Variants in ST3GAL5 observed in about 807,000 individuals in gnomAD.
The protein encoded by ST3GAL5 is lactosylceramide alpha-2,3-sialyltransferase.
In ST3GAL5, 25 loss-of-function variants were observed where a neutral mutation model predicts 46.1. The ratio of observed to expected loss-of-function variants is 0.54; its 90% CI spans 0.40 to 0.76. The LOEUF (loss-of-function observed/expected upper bound fraction) is 0.76, where lower values mean the gene tolerates loss of function less well. ST3GAL5 is among the 30% of genes least tolerant of loss of function. ST3GAL5 has a pLI of 0.00. For missense variants in ST3GAL5, 431 were observed against 521.2 expected (o/e 0.83, Z 1.69); for synonymous variants, 182 against 192.7 (o/e 0.94, Z 0.46).
intron 1 of ST3GAL5, chr2:85,866,155 C>T (rs1474338254): frequency 1.3e-5 from 2 of 152,248 alleles, no homozygotes; most frequent in Non-Finnish European, 2.9e-5. Context: ...TAAGCCCAGA[C>T]CTGTATACCT....
chr2:85,863,563 C>T lies in ST3GAL5; in HGVS notation c.83-78G>A, dbSNP rs549133695. 164 of 1,510,724 alleles carry T rather than the reference C, an allele frequency of 1.1e-4. No homozygotes were observed. The South Asian group carries it at 1.8e-3, about 16-fold the overall frequency. The allele number at this position is 1,510,724 out of a possible 1,614,324, so 93.6% of individuals were successfully genotyped here. On this transcript the variant is annotated intron_variant, in intron 1 of 6. Coordinates refer to ENST00000638572, the MANE Select transcript of ST3GAL5 (RefSeq NM_003896.4). ...AGGATGGATTATGGTTTTCAAAGAGCCTTTATATGTTGCATCCATACCATG... is the reference window on the plus strand; with the variant it reads ...AGGATGGATTATGGTTTTCAAAGAGTCTTTATATGTTGCATCCATACCATG...
rs1456972243 is a variant in ST3GAL5, at chr2:85,848,021, A to T, written c.502T>A (p.Ser168Thr). 6.2e-7 allele frequency: 1 copy of T among 1,614,164 alleles called. No individual in the cohort carries two copies. The highest frequency in any genetic ancestry group is 1.1e-5 in the South Asian group (1 of 91,082). ...YDPPFGFRKF[S>T]SKVQTLLELL... ...TCCAAGAGGGTCTGGACTTTACTGG[A>T]GAACTTCCGGAACCCAAAAGGAGGA... The change falls in exon 4 of 7, where the codon TCC becomes ACC. Residue 168 changes from serine (S) to threonine (T), a missense_variant. Transcript: ENST00000638572.
chr2:85,861,658 A>AAAG (rs1684747278), intron 2 of ST3GAL5, among the ~76,000 whole-genome samples: 1 of 150,950 alleles, frequency 6.6e-6, no homozygotes, highest in Admixed American at 6.6e-5. Context: ...AAAAAAAAAA[A>AAAG]AAAAAGAAAA....
chr2:85,874,897 T>C (rs17026728), intron 1 of ST3GAL5, among the ~76,000 whole-genome samples: 9 of 151,634 alleles, frequency 5.9e-5, no homozygotes, highest in Non-Finnish European at 7.4e-5. Flanking sequence ...ATCATAATCA[T>C]TGGGCATTTA....
At chr2:85,882,056 G>A (rs1045668558) in intron 1 of ST3GAL5, among the ~76,000 whole-genome samples, 30 of 152,232 alleles carry the variant, frequency 2.0e-4, no homozygotes, top group African/African-American at 7.0e-4. Context: ...GGCTGAAAGG[G>A]GCCAATGTAC....
chr2:85,871,114 C>T (rs11127004), intron 1 of ST3GAL5, among the ~76,000 whole-genome samples: 26,712 of 150,962 alleles, frequency 0.18, 2,783 homozygotes, highest in South Asian at 0.34. Context: ...CATGGCTCAC[C>T]GCAGCCTTGA....
At chr2:85,869,284 G>T (rs570299808) in intron 1 of ST3GAL5, among the ~76,000 whole-genome samples, 1 of 152,102 alleles carries the variant, frequency 6.6e-6, no homozygotes, top group African/African-American at 2.4e-5. Flanking sequence ...GGCCTCAAGC[G>T]ATCCTCCCGC....
At chr2:85,878,118 T>A (rs1184818685) in intron 1 of ST3GAL5, among the ~76,000 whole-genome samples, 1 of 152,168 alleles carries the variant, frequency 6.6e-6, no homozygotes, top group Non-Finnish European at 1.5e-5. Flanking sequence ...GATTCCCAGC[T>A]CACTGTGGCA....
At chr2:85,853,028 G>A (rs1289985074) in intron 3 of ST3GAL5, 1 of 1,304,242 alleles carries the variant, frequency 7.7e-7, no homozygotes, top group East Asian at 5.5e-5. Context: ...AGACGATGAA[G>A]AAGCGGCTGA....
intron 1 of ST3GAL5, 66 bp from the exon 2 acceptor site, chr2:85,863,551 G>A (rs1684955960): frequency 1.3e-6 from 2 of 1,573,762 alleles, no homozygotes; most frequent in Non-Finnish European, 1.7e-6. Flanking sequence ...ATGGATTATG[G>A]TTTTCAAAGA....
chr2:85,843,047 C>T (rs61378743), intron 6 of ST3GAL5, among the ~76,000 whole-genome samples: 2,416 of 152,212 alleles, frequency 0.016, 52 homozygotes, highest in African/African-American at 0.055. Flanking sequence ...CGTCTGCAAC[C>T]GCGCCCAGCC....
intron 5 of ST3GAL5, chr2:85,844,981 C>T (rs1261678365): frequency 8.8e-6 from 2 of 227,924 alleles, no homozygotes; most frequent in Non-Finnish European, 1.8e-5. Flanking sequence ...CATCTTCCAA[C>T]TAGAACTTCT....
At position 85,879,918 on chromosome 2, in the gene ST3GAL5, A is replaced by G. The variant is rs1466140773; in HGVS notation, c.82+8906T>C. 2.6e-5 allele frequency among the ~76,000 whole-genome samples: 4 copies of G among 152,362 alleles called. No individual in the cohort carries two copies. In the South Asian group the frequency reaches 8.3e-4, roughly 32 times the overall value. ...TGAAGATCCCACTGCCGCAGAAAGC[A>G]TAAGGTGAAAGTTCTTAAGGTTTTG... On this transcript the variant is annotated intron_variant, in intron 1 of 6. Transcript: ENST00000638572.
chr2:85,844,863 A>G (rs1462032034), intron 5 of ST3GAL5: 1 of 428,082 alleles, frequency 2.3e-6, no homozygotes, highest in Non-Finnish European at 4.4e-6. Flanking sequence ...GGGAAGCCCA[A>G]GTGAATAGGT....
Position 85,882,321 on chromosome 2 carries a change from A to G in ST3GAL5, c.82+6503T>C, listed in dbSNP as rs148174946. 4.3e-3 allele frequency among the ~76,000 whole-genome samples: 652 copies of G among 152,310 alleles called. 2 individuals carry two copies. The highest frequency in any genetic ancestry group is 0.015 in the African/African-American group (608 of 41,574). On this transcript the variant is annotated intron_variant, in intron 1 of 6. Coordinates refer to ENST00000638572, the MANE Select transcript of ST3GAL5 (RefSeq NM_003896.4). ...CTAGTGGAGCTGTGAGAAGAGGGCCACCGTCCTCCAGACCCCAGAATGGTA... is the reference window on the plus strand; with the variant it reads ...CTAGTGGAGCTGTGAGAAGAGGGCCGCCGTCCTCCAGACCCCAGAATGGTA...
Position 85,848,183 on chromosome 2 carries a change from GC to G in ST3GAL5, c.339del (p.Gln113HisfsTer75). 6.2e-7 allele frequency: 1 copy of G among 1,614,168 alleles called. No homozygotes were observed. Among genetic ancestry groups the G allele is most frequent in the Non-Finnish European group, 8.5e-7 (1 of 1,180,036 alleles). On this transcript the variant is annotated frameshift_variant, in exon 4 of 7. Transcript: ENST00000638572. LOFTEE classifies it high-confidence loss of function. ...GGACGACATTCCTTCTGCAAGACTT[GC>G]TGAGCATATTTCTGAGCTCTCTGGA... ...DHVKRAQKYA[Q>X]QVLQKECRPK...
At chr2:85,847,554 C>A (rs537861527) in intron 4 of ST3GAL5, 95 of 1,151,074 alleles carry the variant, frequency 8.3e-5, no homozygotes, top group Non-Finnish European at 9.9e-5. Context: ...AAGAGCAGTG[C>A]ACTGAGTTCT....
chr2:85,840,145 CA>C lies in ST3GAL5; in HGVS notation c.1255del (p.Ter419GlufsTer12). 2.5e-6 allele frequency: 4 copies of C among 1,614,156 alleles called. No individual in the cohort carries two copies. The African/African-American group carries it at 4.0e-5, about 16-fold the overall frequency. Reference protein sequence around the residue: ...DLSGGIDREF* With the variant: ...DLSGGIDREFX ...ATTTTCAACTGAGGTTTTCTGTGTT[CA>C]AAATTCACGATCAATGCCTCCACTG... On this transcript the variant is annotated frameshift_variant and stop_lost, in exon 7 of 7. Coordinates refer to ENST00000638572, the MANE Select transcript of ST3GAL5 (RefSeq NM_003896.4). LOFTEE classifies it high-confidence loss of function.
intron 3 of ST3GAL5, chr2:85,851,653 G>A (rs1683523083): frequency 7.8e-7 from 1 of 1,289,302 alleles, no homozygotes; most frequent in African/African-American, 1.5e-5. Flanking sequence ...CTTGCCCATA[G>A]CTCACAGCTC....
Sources: allele counts gnomAD v4.1 joint callset (sites outside exome capture counted in the v4.1 genomes callset), GRCh38; gene constraint gnomAD v4.1.1; transcripts MANE v1.5; gene names NCBI Gene and HGNC (gene_info 2026-07-23, HGNC 2026-07-21).